SLCO3A1: variants seen among roughly 807,000 people sequenced by gnomAD.
The protein encoded by SLCO3A1 is solute carrier organic anion transporter family member 3A1, also known as PGE1 transporter.
In SLCO3A1, 27 loss-of-function variants were observed where a neutral mutation model predicts 63.1. The observed-to-expected ratio is 0.43, with a 90% confidence interval of 0.32 to 0.59. SLCO3A1 has a LOEUF of 0.59. SLCO3A1 is among the 20% of genes least tolerant of loss of function. The pLI is 0.09. For synonymous variants in SLCO3A1, 473 were observed against 409.9 expected, an observed-to-expected ratio of 1.15 and a Z score of -1.86; for missense variants, 773 against 945.8, an observed-to-expected ratio of 0.82 and a Z score of 2.40.
rs2048481368 is a variant in SLCO3A1, at chr15:92,164,967, G to GCTGA, written c.*1832_*1833insCTGA. 1.0e-6 allele frequency: 1 copy of GCTGA among 984,830 alleles called. No homozygotes were observed. Among genetic ancestry groups the GCTGA allele is most frequent in the African/African-American group, 1.8e-5 (1 of 57,028 alleles). The allele number at this position is 984,830 out of a possible 1,614,324, so 61.0% of individuals were successfully genotyped here. A position where few individuals can be genotyped will look rare whatever the true frequency, so the allele number is the denominator to read the frequency against. On this transcript the variant is annotated 3_prime_UTR_variant, in exon 10 of 10. Transcript: ENST00000318445. ...CTGGCGCTGGAAAAAAAACTCAAAG[G>GCTGA]TTGATTGGTTTGCTTTTTCACCTTG...
intron 1 of SLCO3A1, among the ~76,000 whole-genome samples, chr15:91,867,480 C>A (rs1478855174): frequency 1.3e-5 from 2 of 151,314 alleles, no homozygotes; most frequent in African/African-American, 4.9e-5. Flanking sequence ...GATGAGCTAA[C>A]ATTAGGAAAG....
intron 1 of SLCO3A1, among the ~76,000 whole-genome samples, chr15:91,871,766 T>TG (rs1491356511): frequency 3.5e-4 from 4 of 11,444 alleles, no homozygotes; most frequent in Non-Finnish European, 6.4e-4. Flanking sequence ...TTTTTTTTGG[T>TG]TTTTTTTTTT....
At chr15:92,002,804 C>T (rs1467353153) in intron 2 of SLCO3A1, among the ~76,000 whole-genome samples, 1 of 152,156 alleles carries the variant, frequency 6.6e-6, no homozygotes, top group South Asian at 2.1e-4. Flanking sequence ...ATTAAAACAT[C>T]TTTTCTAGTA....
intron 1 of SLCO3A1, among the ~76,000 whole-genome samples, chr15:91,895,915 A>T (rs1897990775): frequency 6.6e-6 from 1 of 152,244 alleles, no homozygotes; most frequent in South Asian, 2.1e-4. Flanking sequence ...AGTGTCAAGG[A>T]CAATGAACTG....
At chr15:91,911,701 A>T (rs1253993186) in intron 1 of SLCO3A1, among the ~76,000 whole-genome samples, 2 of 151,888 alleles carry the variant, frequency 1.3e-5, no homozygotes, top group African/African-American at 4.8e-5. Flanking sequence ...GTCTTGGCTC[A>T]CTGCAACCTC....
intron 2 of SLCO3A1, among the ~76,000 whole-genome samples, chr15:91,921,006 G>A (rs1482781810): frequency 6.6e-6 from 1 of 152,246 alleles, no homozygotes; most frequent in Non-Finnish European, 1.5e-5. Flanking sequence ...AATGGGGGAT[G>A]TGGGATATGG....
intron 2 of SLCO3A1, among the ~76,000 whole-genome samples, chr15:91,978,409 G>A: frequency 6.6e-6 from 1 of 152,176 alleles, no homozygotes; most frequent in Admixed American, 6.5e-5. Flanking sequence ...CTGTGAACAT[G>A]TGGCCTTTTA....
chr15:92,139,585 G>A (rs989388596), intron 7 of SLCO3A1, among the ~76,000 whole-genome samples: 126 of 151,982 alleles, frequency 8.3e-4, no homozygotes, highest in Non-Finnish European at 2.6e-4. Context: ...GGTAGAATTC[G>A]GCTGTGAATC....
At chr15:91,873,904 T>G (rs912048534) in intron 1 of SLCO3A1, among the ~76,000 whole-genome samples, 5 of 152,158 alleles carry the variant, frequency 3.3e-5, no homozygotes, top group African/African-American at 1.2e-4. Context: ...TTTTGTGTCA[T>G]TTCCTTTGTT....
At chr15:91,931,468 T>C (rs1156428454) in intron 2 of SLCO3A1, among the ~76,000 whole-genome samples, 1 of 150,574 alleles carries the variant, frequency 6.6e-6, no homozygotes, top group African/African-American at 2.4e-5. Flanking sequence ...TCTGCTGGGT[T>C]GTATCTTTTT....
At chr15:92,074,291 G>A (rs779735226) in intron 2 of SLCO3A1, among the ~76,000 whole-genome samples, 1 of 152,182 alleles carries the variant, frequency 6.6e-6, no homozygotes, top group Non-Finnish European at 1.5e-5. Context: ...GCTGATGCAG[G>A]AAGTCTGAGC....
At chr15:92,079,377 T>C (rs940044028) in intron 2 of SLCO3A1, among the ~76,000 whole-genome samples, 1 of 152,208 alleles carries the variant, frequency 6.6e-6, no homozygotes, top group African/African-American at 2.4e-5. Context: ...ACACTCATTT[T>C]CTTACAGTTT....
At chr15:92,034,829 A>G (rs2046703733) in intron 2 of SLCO3A1, among the ~76,000 whole-genome samples, 1 of 151,914 alleles carries the variant, frequency 6.6e-6, no homozygotes, top group African/African-American at 2.4e-5. Flanking sequence ...GCCAGTGAAA[A>G]TAACGCTTCC....
In SLCO3A1 at chr15:92,061,410, G is replaced by A. The variant is rs555999545; in HGVS notation, c.647-33471G>A. Among the ~76,000 whole-genome samples, 179 of 152,350 alleles carry A rather than the reference G, an allele frequency of 1.2e-3. 5 individuals are homozygous for A. The South Asian group carries it at 0.036, about 31-fold the overall frequency. ...AAAGAGGAAGAGATGCACAGCAGAA[G>A]AGATCTTCTCTCCACTCCCCACTGG... On this transcript the variant is annotated intron_variant, in intron 2 of 9. Coordinates refer to ENST00000318445, the MANE Select transcript of SLCO3A1 (RefSeq NM_013272.4).
chr15:91,853,713 CGCG>C lies in SLCO3A1; in HGVS notation c.-177_-175del, dbSNP rs58284139. The C allele has an allele frequency of 2.0e-3, 664 of 340,290 alleles. No homozygotes were observed. The highest frequency in any genetic ancestry group is 3.3e-3 in the East Asian group (27 of 8,204). The allele number at this position is 340,290 out of a possible 1,614,324, so 21.1% of individuals were successfully genotyped here. A position where few individuals can be genotyped will look rare whatever the true frequency, so the allele number is the denominator to read the frequency against. On this transcript the variant is annotated 5_prime_UTR_variant, in exon 1 of 10. Coordinates refer to ENST00000318445, the MANE Select transcript of SLCO3A1 (RefSeq NM_013272.4). ...GGGAGGAGGAGGAGGAAGGGGCGAT[CGCG>C]GCGGCGGCGGCGGCGGCGAGGAGCT... is the stretch of plus-strand genomic sequence containing the variant.
At chr15:91,911,825 C>T (rs1898496403) in intron 1 of SLCO3A1, among the ~76,000 whole-genome samples, 1 of 152,026 alleles carries the variant, frequency 6.6e-6, no homozygotes, top group Admixed American at 6.6e-5. Context: ...TGGGGTTTCA[C>T]CATGTTGGCC....
rs1567037708 is a variant in SLCO3A1 at position 91,957,114 on chromosome 15, ATAATATATATAATATATATACTATATAT to A, written c.646+40659_646+40686del. The stretch of plus-strand genomic sequence containing the variant: ...TATAATATATATAATATATATATAT[ATAATATATATAATATATATACTATATAT>A]TATAATATATATATATATTTTTTTT... On this transcript the variant is annotated intron_variant, in intron 2 of 9. Coordinates refer to ENST00000318445, the MANE Select transcript of SLCO3A1 (RefSeq NM_013272.4). Among the ~76,000 whole-genome samples the A allele has an allele frequency of 3.8e-3, 115 of 30,400 alleles. 11 individuals are homozygous for A. Among genetic ancestry groups the A allele is most frequent in the East Asian group, 7.4e-3 (8 of 1,080 alleles). The allele number at this position is 30,400 out of a possible 152,430, so 19.9% of individuals were successfully genotyped here.
intron 2 of SLCO3A1, among the ~76,000 whole-genome samples, chr15:92,089,110 C>T (rs1169050560): frequency 6.6e-6 from 1 of 152,024 alleles, no homozygotes; most frequent in Non-Finnish European, 1.5e-5. Flanking sequence ...ACTACAAGCT[C>T]CGCCTCCTGG....
chr15:92,098,499 G>T (rs140059810), intron 3 of SLCO3A1, among the ~76,000 whole-genome samples: 259 of 152,296 alleles, frequency 1.7e-3, no homozygotes, highest in African/African-American at 6.0e-3. Flanking sequence ...TGAAACCCAG[G>T]TGAGAACAGG....
Sources: allele counts gnomAD v4.1 joint callset (sites outside exome capture counted in the v4.1 genomes callset), GRCh38; gene constraint gnomAD v4.1.1; transcripts MANE v1.5; gene names NCBI Gene and HGNC (gene_info 2026-07-23, HGNC 2026-07-21).